Variants in TAF2 observed in about 807,000 individuals in gnomAD.
TAF2 encodes transcription initiation factor TFIID subunit 2.
A neutral mutation model predicts 138.5 loss-of-function variants in TAF2; 61 were observed. The observed-to-expected ratio is 0.44, with a 90% CI of 0.36 to 0.54. The LOEUF is 0.54. Among genes scored for constraint, TAF2 ranks in the 20% least tolerant of loss-of-function variants. The pLI is 0.00. For missense variants in TAF2, 1,090 were observed against 1,427.9 expected, an observed-to-expected ratio of 0.76 and a Z score of 3.81; for synonymous variants, 475 against 469.9, an observed-to-expected ratio of 1.01 and a Z score of -0.14.
chr8:119,830,182 G>A (rs936540294), intron 2 of TAF2, among the ~76,000 whole-genome samples: 32 of 152,048 alleles, frequency 2.1e-4, no homozygotes, highest in African/African-American at 5.6e-4. Flanking sequence ...ACAGGTGTGA[G>A]CCACCGTGCC....
intron 3 of TAF2, among the ~76,000 whole-genome samples, chr8:119,813,563 A>G (rs1279031997): frequency 6.6e-6 from 1 of 152,234 alleles, no homozygotes; most frequent in East Asian, 1.9e-4. Flanking sequence ...CGGGATTACC[A>G]CATTTAAGAA....
intron 25 of TAF2, among the ~76,000 whole-genome samples, chr8:119,735,312 A>G (rs1819154316): frequency 6.6e-6 from 1 of 152,212 alleles, no homozygotes; most frequent in Non-Finnish European, 1.5e-5. Flanking sequence ...AGCTTGCTAA[A>G]TGAATGAATG....
At chr8:119,827,734 A>ATTTT (rs58428759) in intron 2 of TAF2, among the ~76,000 whole-genome samples, 1 of 144,092 alleles carries the variant, frequency 6.9e-6, no homozygotes, top group Non-Finnish European at 1.5e-5. Flanking sequence ...CATGGAAGGA[A>ATTTT]TTTTTTTTTT....
chr8:119,812,626 G>A (rs745463309), intron 3 of TAF2, among the ~76,000 whole-genome samples: 2 of 152,018 alleles, frequency 1.3e-5, no homozygotes, highest in Non-Finnish European at 2.9e-5. Context: ...TTCCATTTCC[G>A]AGTTACTTCA....
chr8:119,806,231 T>C (rs1314410734), intron 4 of TAF2, 52 bp downstream of exon 4: 8 of 1,451,978 alleles, frequency 5.5e-6, no homozygotes, highest in Middle Eastern at 1.7e-4. Context: ...TTCTCTAGTG[T>C]CTGAATCTAA....
intron 6 of TAF2, 118 bp downstream of exon 6, chr8:119,801,676 C>T: frequency 2.1e-6 from 2 of 930,546 alleles, no homozygotes; most frequent in Non-Finnish European, 3.5e-6. Flanking sequence ...GATCCGCCCA[C>T]CTTGGCCTCC....
In TAF2 at chr8:119,801,906, T is replaced by C; in HGVS notation, c.680A>G (p.His227Arg). The C allele has an allele frequency of 6.2e-7, 1 of 1,614,198 alleles. No homozygotes were observed. The highest frequency in any genetic ancestry group is 8.5e-7 in the Non-Finnish European group (1 of 1,180,034). The change falls in exon 6 of 26, where the codon CAT becomes CGT. Residue 227 changes from histidine to arginine, a missense_variant. By Grantham distance (29) the His-to-Arg change is conservative. This residue lies in a region of TAF2 where 504 missense variants were observed against 680.9 expected (regional missense o/e 0.74). Transcript: ENST00000378164. ...ATGGAAAGTTTTCTTCCTCATATCA[T>C]GAGTATACACTGTCTCCACCAAATC... Reference protein sequence around the residue: ...NGDLVETVYTHDMRKKTFHYM... With the variant: ...NGDLVETVYTRDMRKKTFHYM...
At chr8:119,749,157 CTTTTA>C (rs1439550664) in intron 22 of TAF2, among the ~76,000 whole-genome samples, 1 of 152,062 alleles carries the variant, frequency 6.6e-6, no homozygotes, top group Non-Finnish European at 1.5e-5. Flanking sequence ...TGAGCTAGGG[CTTTTA>C]TTTTGTTTTT....
intron 14 of TAF2, among the ~76,000 whole-genome samples, chr8:119,786,460 C>T (rs1361794963): frequency 6.6e-6 from 1 of 152,058 alleles, no homozygotes; most frequent in Non-Finnish European, 1.5e-5. Flanking sequence ...CATTCTAGCT[C>T]CTCGGCCTCT....
intron 3 of TAF2, among the ~76,000 whole-genome samples, chr8:119,809,166 C>T (rs1824867912): frequency 6.6e-6 from 1 of 152,248 alleles, no homozygotes; most frequent in Non-Finnish European, 1.5e-5. Context: ...GCTAAATCTT[C>T]TGGATAACTT....
intron 14 of TAF2, among the ~76,000 whole-genome samples, chr8:119,787,592 C>G (rs1232916705): frequency 1.3e-5 from 2 of 152,144 alleles, no homozygotes; most frequent in Non-Finnish European, 2.9e-5. Flanking sequence ...GGAAACAACA[C>G]ATGCTGGAGA....
intron 18 of TAF2, among the ~76,000 whole-genome samples, chr8:119,769,308 A>G (rs1821663690): frequency 6.6e-6 from 1 of 152,178 alleles, no homozygotes; most frequent in African/African-American, 2.4e-5. Flanking sequence ...AGGTGGGAGG[A>G]GAGGAAGAGT....
intron 10 of TAF2, among the ~76,000 whole-genome samples, chr8:119,792,152 T>TC (rs201566726): frequency 0.25 from 36,577 of 144,162 alleles, 5,547 homozygotes; most frequent in Admixed American, 0.43. Context: ...TTTCTTTCTT[T>TC]TTTTTTTTTT....
chr8:119,788,816 T>C lies in TAF2; in HGVS notation c.1657A>G (p.Thr553Ala), dbSNP rs140302667. 13 of 1,613,844 alleles carry C rather than the reference T, an allele frequency of 8.1e-6. No individual in the cohort carries two copies. In the African/African-American group the frequency reaches 1.7e-4, roughly 22 times the overall value. ...VLELEIKQDY[T>A]SPGTQKYVGP... ...ACGTATTTCTGAGTTCCAGGAGATGTATAGTCCTGTTTTATTTCCAGTTCC... is the reference window on the plus strand; with the variant it reads ...ACGTATTTCTGAGTTCCAGGAGATGCATAGTCCTGTTTTATTTCCAGTTCC... The change falls in exon 13 of 26, where the codon ACA becomes GCA. Residue 553 changes from threonine (T) to alanine (A), a missense_variant. By Grantham distance (58) the Thr-to-Ala change is moderately conservative. Coordinates refer to ENST00000378164, the MANE Select transcript of TAF2 (RefSeq NM_003184.4).
Position 119,780,250 on chromosome 8 carries a change from T to C in TAF2, c.2253+803A>G, listed in dbSNP as rs547780656. On this transcript the variant is annotated intron_variant, in intron 17 of 25. Transcript: ENST00000378164. ...ATATCCTTTCCTAAAACAATGACTC[T>C]AACCACCACTTTCTAAAAATTCCAC... Among the ~76,000 whole-genome samples, 7 of 152,338 alleles carry C rather than the reference T, an allele frequency of 4.6e-5. No homozygotes were observed. In the South Asian group the frequency reaches 1.5e-3, roughly 32 times the overall value.
intron 3 of TAF2, among the ~76,000 whole-genome samples, chr8:119,815,697 T>C (rs1194948356): frequency 6.6e-6 from 1 of 152,078 alleles, no homozygotes; most frequent in Non-Finnish European, 1.5e-5. Flanking sequence ...AAGTCTACAT[T>C]TAACTTTTTC....
chr8:119,781,109 G>A lies in TAF2; in HGVS notation c.2197C>T (p.Pro733Ser). 3 of 1,613,960 alleles carry A rather than the reference G, an allele frequency of 1.9e-6. No individual in the cohort carries two copies. The highest frequency in any genetic ancestry group is 2.5e-6 in the Non-Finnish European group (3 of 1,179,998). Residue 733 changes from proline to serine, a missense_variant, in exon 17 of 26, where the codon CCA becomes TCA. Pro to Ser is a moderately conservative substitution (Grantham distance 74). This residue lies in a region of TAF2 where 580 missense variants were observed against 719.6 expected (regional missense o/e 0.81). Coordinates refer to ENST00000378164, the MANE Select transcript of TAF2 (RefSeq NM_003184.4). ...AAGTTGTTTGTTTTCACAATGTTTGGACAACTTTTACAACAAAACATCCTA... is the reference window on the plus strand; with the variant it reads ...AAGTTGTTTGTTTTCACAATGTTTGAACAACTTTTACAACAAAACATCCTA... ...FTRMFCCKSC[P>S]NIVKTNNFMS...
At chr8:119,759,273 G>T (rs1285636881) in intron 20 of TAF2, among the ~76,000 whole-genome samples, 1 of 152,022 alleles carries the variant, frequency 6.6e-6, no homozygotes, top group Non-Finnish European at 1.5e-5. Context: ...TTTCGAAGTT[G>T]GGTCAACACA....
Position 119,800,373 on chromosome 8 carries a change from T to G in TAF2, c.792+1421A>C, listed in dbSNP as rs948261230. Among the ~76,000 whole-genome samples, 4 of 152,200 alleles carry G rather than the reference T, an allele frequency of 2.6e-5. No homozygotes were observed. In the East Asian group the frequency reaches 7.7e-4, roughly 29 times the overall value. On this transcript the variant is annotated intron_variant, in intron 6 of 25. Transcript: ENST00000378164. ...AGCTTTCTACATATGGCTAGCCAGT[T>G]TTCCCAGCACCATTTATTAAATAGG... is the stretch of plus-strand genomic sequence containing the variant.
Sources: allele counts gnomAD v4.1 joint callset (sites outside exome capture counted in the v4.1 genomes callset), GRCh38; gene constraint gnomAD v4.1.1; regional missense constraint gnomAD v4.1.1; transcripts MANE v1.5; gene names NCBI Gene and HGNC (gene_info 2026-07-23, HGNC 2026-07-21).